ZNF704: variants seen among roughly 807,000 people sequenced by gnomAD.
ZNF704 encodes the protein glucocorticoid induced gene 1.
In ZNF704, 10 loss-of-function variants were observed where a neutral mutation model predicts 44.7. The observed-to-expected ratio is 0.22, with a 90% CI of 0.14 to 0.38. ZNF704 has a LOEUF of 0.38. Among genes scored for constraint, ZNF704 ranks in the 10% least tolerant of loss-of-function variants. The probability of loss-of-function intolerance (pLI) is 1.00; values close to 1 mark genes in which losing one functional copy is unlikely to be tolerated. For missense variants in ZNF704, 390 were observed against 545.5 expected (o/e 0.71, Z 2.84); for synonymous variants, 211 against 207.6 (o/e 1.02, Z -0.14).
chr8:80,811,700 A>G (rs1808085524), intron 2 of ZNF704, among the ~76,000 whole-genome samples: 1 of 152,246 alleles, frequency 6.6e-6, no homozygotes, highest in Admixed American at 6.5e-5. Flanking sequence ...AATCTTACGC[A>G]GCCTTACATT....
At chr8:80,736,956 A>G (rs1331479459) in intron 2 of ZNF704, among the ~76,000 whole-genome samples, 3 of 151,972 alleles carry the variant, frequency 2.0e-5, no homozygotes, top group Non-Finnish European at 4.4e-5. Context: ...TAAAAAGCTC[A>G]TCAAGTGATT....
At chr8:80,872,468 C>G (rs935062564) in intron 1 of ZNF704, among the ~76,000 whole-genome samples, 3 of 152,140 alleles carry the variant, frequency 2.0e-5, no homozygotes, top group African/African-American at 7.2e-5. Flanking sequence ...TTAGTGGTCT[C>G]TAACTATTAA....
chr8:80,678,893 G>A (rs1334277066), intron 4 of ZNF704, among the ~76,000 whole-genome samples: 2 of 152,140 alleles, frequency 1.3e-5, no homozygotes, highest in Non-Finnish European at 2.9e-5. Context: ...AGAGGCACCG[G>A]CAGGCAGCTG....
At chr8:80,679,022 T>C (rs768662106) in intron 4 of ZNF704, among the ~76,000 whole-genome samples, 5 of 152,164 alleles carry the variant, frequency 3.3e-5, no homozygotes, top group Non-Finnish European at 5.9e-5. Flanking sequence ...ATCTGTTGGG[T>C]AACCTCTCCA....
At chr8:80,686,599 C>A (rs1207808110) in intron 4 of ZNF704, among the ~76,000 whole-genome samples, 1 of 151,882 alleles carries the variant, frequency 6.6e-6, no homozygotes, top group African/African-American at 2.4e-5. Context: ...TGCTATGTTG[C>A]ACAGGCTGGT....
At chr8:80,757,469 C>T (rs1807055879) in intron 2 of ZNF704, among the ~76,000 whole-genome samples, 1 of 151,450 alleles carries the variant, frequency 6.6e-6, no homozygotes, top group Non-Finnish European at 1.5e-5. Context: ...AAAAAAAAAC[C>T]TTAAATGTTT....
intron 2 of ZNF704, among the ~76,000 whole-genome samples, chr8:80,716,749 G>A (rs978260424): frequency 2.0e-5 from 3 of 152,160 alleles, no homozygotes; most frequent in Non-Finnish European, 4.4e-5. Context: ...GGGATTGCAC[G>A]TCTGTTCCTA....
chr8:80,658,852 G>A (rs1296215172), intron 7 of ZNF704: 1 of 152,212 alleles, frequency 6.6e-6, no homozygotes, highest in African/African-American at 2.4e-5. Flanking sequence ...GGGTGGAGAA[G>A]AGAAAATAAG....
In ZNF704 at chr8:80,666,414, G is replaced by A. The variant is rs1486025123; in HGVS notation, c.660-1332C>T. On this transcript the variant is annotated intron_variant, in intron 5 of 8. Coordinates refer to ENST00000327835, the MANE Select transcript of ZNF704 (RefSeq NM_001033723.3). ...AGTCTTTGCTATTGTGAATAATGCC[G>A]CAATAAACATACGTGTGCATGTGTC... Among the ~76,000 whole-genome samples the A allele has an allele frequency of 1.5e-3, 225 of 151,512 alleles. 1 individual carries two copies. The highest frequency in any genetic ancestry group is 4.6e-3 in the African/African-American group (190 of 41,266).
At chr8:80,706,825 T>C (rs1455990579) in intron 2 of ZNF704, among the ~76,000 whole-genome samples, 6 of 152,238 alleles carry the variant, frequency 3.9e-5, no homozygotes, top group Admixed American at 3.9e-4. Flanking sequence ...TGCCTGCAGA[T>C]TTCAGCCACT....
intron 1 of ZNF704, among the ~76,000 whole-genome samples, chr8:80,841,081 C>T (rs563726256): frequency 5.3e-5 from 8 of 152,304 alleles, no homozygotes; most frequent in African/African-American, 7.2e-5. Flanking sequence ...AAGAATACCC[C>T]GCACTGCCTC....
At chr8:80,705,451 G>A (rs1288829715) in intron 2 of ZNF704, among the ~76,000 whole-genome samples, 2 of 151,660 alleles carry the variant, frequency 1.3e-5, no homozygotes, top group Non-Finnish European at 2.9e-5. Context: ...TCCTGGGTGT[G>A]TGTCTCTCTC....
At chr8:80,881,714 G>C in the ZNF704 span, among the ~76,000 whole-genome samples, 1 of 152,102 alleles carries the variant, frequency 6.6e-6, no homozygotes, top group African/African-American at 2.4e-5. Context: ...GATCACCTGA[G>C]GTCAGGAGTT....
rs75071157 is a variant in ZNF704, at chr8:80,738,315, C to T, written c.222-45208G>A. On this transcript the variant is annotated intron_variant, in intron 2 of 8. Transcript: ENST00000327835. ...TACTTAAGGTTCAGGGATATAGATA[C>T]TCCTTCTCTACCTCCTGGAGAAGAA... is the stretch of plus-strand genomic sequence containing the variant. Among the ~76,000 whole-genome samples, 1,275 of 152,300 alleles carry T rather than the reference C, an allele frequency of 8.4e-3. 11 individuals are homozygous for T. The highest frequency in any genetic ancestry group is 0.014 in the Non-Finnish European group (921 of 68,030).
intron 2 of ZNF704, among the ~76,000 whole-genome samples, chr8:80,818,944 G>C (rs957931247): frequency 3.0e-4 from 45 of 152,104 alleles, no homozygotes; most frequent in African/African-American, 9.4e-4. Flanking sequence ...TTGAGAGTTT[G>C]ATCATTATAA....
rs1385919734 is a variant in ZNF704, at chr8:80,821,477, C to T, written c.118G>A (p.Ala40Thr). The T allele has an allele frequency of 2.5e-6, 4 of 1,614,094 alleles. No individual in the cohort carries two copies. Among genetic ancestry groups the T allele is most frequent in the Non-Finnish European group, 3.4e-6 (4 of 1,179,994 alleles). The change falls in exon 2 of 9, where the codon GCC (alanine) becomes ACC (threonine). Residue 40 changes from alanine to threonine, a missense_variant. Ala to Thr is a moderately conservative substitution (Grantham distance 58). Transcript: ENST00000327835. Reference sequence around the variant, plus strand: ...TTTTCATGGTCAAGGATCCGGCTGGCTTTTTTGGTGTCTGCTGTTTTCACA... The same window carrying T: ...TTTTCATGGTCAAGGATCCGGCTGGTTTTTTTGGTGTCTGCTGTTTTCACA... ...EDVKTADTKK[A>T]SRILDHEKEN... is the part of the protein sequence containing the mutation.
chr8:80,796,888 TGGAAAGGGAAAGAGAAAG>T lies in ZNF704; in HGVS notation c.221+24468_221+24485del, dbSNP rs1227047244. On this transcript the variant is annotated intron_variant, in intron 2 of 8. Coordinates refer to ENST00000327835, the MANE Select transcript of ZNF704 (RefSeq NM_001033723.3). ...TGAAAGAGAGAAAGAGAGAGGGAAATGGAAAGGGAAAGAGAAAGGGAAAGGGAAAGAGAAAGGGAAGGG... is the reference window on the plus strand; with the variant it reads ...TGAAAGAGAGAAAGAGAGAGGGAAATGGAAAGGGAAAGAGAAAGGGAAGGG... Among the ~76,000 whole-genome samples, 42 of 114,792 alleles carry T rather than the reference TGGAAAGGGAAAGAGAAAG, an allele frequency of 3.7e-4. No individual in the cohort carries two copies. In the South Asian group the frequency reaches 5.0e-3, roughly 14 times the overall value. 75.3% of individuals were successfully genotyped at this position (114,792 alleles called of 152,430 possible).
intron 4 of ZNF704, among the ~76,000 whole-genome samples, chr8:80,679,619 G>A (rs1042577737): frequency 2.0e-5 from 3 of 152,196 alleles, no homozygotes; most frequent in Non-Finnish European, 4.4e-5. Flanking sequence ...CACTTCTGCA[G>A]AACACCAACG....
intron 2 of ZNF704, among the ~76,000 whole-genome samples, chr8:80,693,578 A>T (rs1818676480): frequency 6.6e-6 from 1 of 152,170 alleles, no homozygotes; most frequent in Non-Finnish European, 1.5e-5. Flanking sequence ...ATCTAAGGTG[A>T]TCAGATGTTT....
Sources: gnomAD v4.1 joint callset for allele counts (sites outside exome capture counted in the v4.1 genomes callset) on GRCh38, gnomAD v4.1.1 for gene constraint, MANE v1.5 for transcripts, NCBI Gene and HGNC (gene_info 2026-07-23, HGNC 2026-07-21) for gene names.